The following DPP6 variants were observed in gnomAD, a reference collection of about 807,000 sequenced individuals.
DPP6 encodes the protein dipeptidyl peptidase like 6.
A neutral mutation model predicts 122.6 loss-of-function variants in DPP6; 69 were observed. The observed-to-expected ratio is 0.56, with a 90% CI of 0.46 to 0.69. DPP6 has a LOEUF of 0.69. DPP6 is among the 30% of genes least tolerant of loss of function. DPP6 has a pLI of 0.00. For missense variants in DPP6, 928 were observed against 1,116.9 expected (o/e 0.83, Z 2.41); for synonymous variants, 418 against 433.1 (o/e 0.97, Z 0.43).
intron 1 of DPP6, among the ~76,000 whole-genome samples, chr7:153,915,339 C>G (rs1228674404): frequency 6.6e-6 from 1 of 152,130 alleles, no homozygotes; most frequent in Non-Finnish European, 1.5e-5. Flanking sequence ...AGCTCCTACC[C>G]CCATGCCAAG....
At chr7:153,797,940 C>T in the DPP6 span, among the ~76,000 whole-genome samples, 1 of 152,142 alleles carries the variant, frequency 6.6e-6, no homozygotes, top group East Asian at 1.9e-4. Context: ...CTTCTGGGTT[C>T]ACGCCATTCT....
At chr7:154,077,470 G>A in intron 1 of DPP6, among the ~76,000 whole-genome samples, 1 of 152,086 alleles carries the variant, frequency 6.6e-6, no homozygotes, top group East Asian at 1.9e-4. Context: ...AAACTGGGAT[G>A]TGGGGCACCT....
At chr7:153,755,989 T>G in the DPP6 span, among the ~76,000 whole-genome samples, 3 of 152,210 alleles carry the variant, frequency 2.0e-5, no homozygotes, top group Non-Finnish European at 4.4e-5. Context: ...CTGCCCCTTT[T>G]CTTTTCTCAC....
chr7:154,610,996 G>T (rs185231167), intron 5 of DPP6, among the ~76,000 whole-genome samples: 2 of 152,148 alleles, frequency 1.3e-5, no homozygotes, highest in East Asian at 3.9e-4. Context: ...ACTCCAAGCT[G>T]GCTGCCTGTT....
the DPP6 span, among the ~76,000 whole-genome samples, chr7:153,836,686 C>T: frequency 6.6e-6 from 1 of 152,144 alleles, no homozygotes; most frequent in Non-Finnish European, 1.5e-5. Flanking sequence ...GGTAGCCTGC[C>T]AGTACTTATC....
chr7:154,466,752 C>T (rs1050463629), intron 2 of DPP6, among the ~76,000 whole-genome samples: 3 of 152,202 alleles, frequency 2.0e-5, no homozygotes, highest in Non-Finnish European at 4.4e-5. Context: ...TTTGGGATGG[C>T]CCTGTCTTAC....
intron 16 of DPP6, among the ~76,000 whole-genome samples, chr7:154,813,559 A>G (rs1263672944): frequency 1.3e-5 from 2 of 152,126 alleles, no homozygotes; most frequent in Non-Finnish European, 2.9e-5. Context: ...ATTTATATCT[A>G]AAGGACATGG....
At chr7:154,881,426 A>G (rs1328711443) in intron 21 of DPP6, among the ~76,000 whole-genome samples, 1 of 152,248 alleles carries the variant, frequency 6.6e-6, no homozygotes, top group Non-Finnish European at 1.5e-5. Flanking sequence ...AGCCTGGGAC[A>G]GCTCAGCTGT....
At chr7:154,800,368 C>G (rs1215003911) in intron 12 of DPP6, among the ~76,000 whole-genome samples, 1 of 152,176 alleles carries the variant, frequency 6.6e-6, no homozygotes, top group Non-Finnish European at 1.5e-5. Context: ...ACCATTAGTT[C>G]TCATCCCCGC....
At chr7:154,334,875 AAC>A (rs1296748139) in intron 1 of DPP6, among the ~76,000 whole-genome samples, 3 of 152,162 alleles carry the variant, frequency 2.0e-5, no homozygotes, top group Non-Finnish European at 2.9e-5. Context: ...AGACCTGAGC[AAC>A]AGAGGAAGAC....
chr7:154,463,557 T>A (rs1821519178), intron 2 of DPP6, among the ~76,000 whole-genome samples: 1 of 152,116 alleles, frequency 6.6e-6, no homozygotes, highest in South Asian at 2.1e-4. Context: ...GCCCCACAGC[T>A]GGGAATGTCC....
chr7:154,772,892 T>C lies in DPP6; in HGVS notation c.1086T>C (p.Asn362=), dbSNP rs1796329377. 5 of 1,612,784 alleles carry C rather than the reference T, an allele frequency of 3.1e-6. No individual in the cohort carries two copies. Among genetic ancestry groups the C allele is most frequent in the African/African-American group, 1.3e-5 (1 of 74,626 alleles). ...PSISLHVIGL[N]GPTHDLEMMP... Reference sequence around the variant, plus strand: ...TTTCCCTACACGTTATTGGCTTAAATGGACCCACCCATGATCTGGAGATGA... The same window carrying C: ...TTTCCCTACACGTTATTGGCTTAAACGGACCCACCCATGATCTGGAGATGA... The change falls in exon 10 of 26, where the codon AAT becomes AAC. Residue 362 remains asparagine (N), a synonymous_variant. Transcript: ENST00000377770.
the DPP6 span, among the ~76,000 whole-genome samples, chr7:153,802,192 C>T: frequency 2.6e-5 from 4 of 152,260 alleles, no homozygotes; most frequent in East Asian, 1.9e-4. Flanking sequence ...CATTTGTGCA[C>T]GTTGCCTAAG....
At chr7:154,201,768 T>C (rs747389346) in intron 1 of DPP6, among the ~76,000 whole-genome samples, 50 of 152,176 alleles carry the variant, frequency 3.3e-4, no homozygotes, top group Non-Finnish European at 5.9e-4. Context: ...AAGGAAAGTG[T>C]AACCACATCA....
rs569165103 is a variant in DPP6 at position 154,106,135 on chromosome 7, C to G, written c.243+53072C>G. ...TCTGCCTATGCGCCCTTGTTTCTTA[C>G]TCAGAGATAAAAGTTCATTCAGAAA... On this transcript the variant is annotated intron_variant, in intron 1 of 25. Transcript: ENST00000377770. Among the ~76,000 whole-genome samples, 1,123 of 151,582 alleles carry G rather than the reference C, an allele frequency of 7.4e-3. 7 individuals are homozygous for G. The highest frequency in any genetic ancestry group is 0.013 in the Admixed American group (191 of 15,214).
intron 1 of DPP6, among the ~76,000 whole-genome samples, chr7:154,202,900 G>T (rs1034989447): frequency 2.0e-5 from 3 of 152,154 alleles, no homozygotes; most frequent in African/African-American, 7.2e-5. Context: ...CAGCTAACAG[G>T]CACAGGCATG....
chr7:154,870,560 C>T (rs1223550300), intron 18 of DPP6, among the ~76,000 whole-genome samples: 2 of 152,102 alleles, frequency 1.3e-5, no homozygotes, highest in Admixed American at 1.3e-4. Context: ...GAGCCAAGAT[C>T]GCACCACTGC....
At chr7:154,654,339 A>T (rs1837084398) in intron 6 of DPP6, among the ~76,000 whole-genome samples, 1 of 151,930 alleles carries the variant, frequency 6.6e-6, no homozygotes. Context: ...AATATTTTAG[A>T]ACAGGCCACC....
chr7:154,592,700 C>G (rs903362394), intron 5 of DPP6, among the ~76,000 whole-genome samples: 1 of 152,096 alleles, frequency 6.6e-6, no homozygotes, highest in African/African-American at 2.4e-5. Flanking sequence ...GAGGAGGGGT[C>G]TCAGGGTGGA....
Sources: gnomAD v4.1 joint callset for allele counts (sites outside exome capture counted in the v4.1 genomes callset) on GRCh38, gnomAD v4.1.1 for gene constraint, MANE v1.5 for transcripts, NCBI Gene and HGNC (gene_info 2026-07-23, HGNC 2026-07-21) for gene names.